Variants in RUNX1 observed in about 807,000 individuals in gnomAD.
The protein encoded by RUNX1 is runt-related transcription factor 1.
RUNX1 carries 19 observed loss-of-function variants against 42.8 expected under a neutral mutation model. The observed-to-expected ratio is 0.44, with a 90% CI of 0.31 to 0.65. The LOEUF (loss-of-function observed/expected upper bound fraction) is 0.65, where lower values mean the gene tolerates loss of function less well. Among genes scored for constraint, RUNX1 ranks in the 30% least tolerant of loss-of-function variants. The probability of loss-of-function intolerance (pLI) is 0.07; values close to 1 mark genes in which losing one functional copy is unlikely to be tolerated. For synonymous variants in RUNX1, 271 were observed against 289.4 expected, an observed-to-expected ratio of 0.94 and a Z score of 0.64; for missense variants, 528 against 672.0, an observed-to-expected ratio of 0.79 and a Z score of 2.37.
chr21:34,945,174 A>T (rs1389685924), intron 2 of RUNX1, among the ~76,000 whole-genome samples: 1 of 152,256 alleles, frequency 6.6e-6, no homozygotes, highest in African/African-American at 2.4e-5. Flanking sequence ...ACTTACAGAT[A>T]TGAACTATAG....
chr21:34,909,803 T>A (rs920998543), intron 2 of RUNX1, among the ~76,000 whole-genome samples: 5 of 152,116 alleles, frequency 3.3e-5, no homozygotes, highest in Non-Finnish European at 7.4e-5. Context: ...TCTTTAGGGT[T>A]CTGGGTCCTT....
chr21:34,998,343 C>T (rs1440623635), intron 2 of RUNX1, among the ~76,000 whole-genome samples: 2 of 152,008 alleles, frequency 1.3e-5, no homozygotes, highest in Non-Finnish European at 2.9e-5. Context: ...ACACAACGTC[C>T]AGAGACCACC....
intron 7 of RUNX1, among the ~76,000 whole-genome samples, chr21:34,809,766 T>C (rs1005732888): frequency 3.9e-5 from 6 of 152,154 alleles, no homozygotes; most frequent in African/African-American, 1.4e-4. Flanking sequence ...GGGCAGATCA[T>C]GTTAAGTAAC....
chr21:34,982,397 G>GGGGTGTGTGT (rs140568284), intron 2 of RUNX1, among the ~76,000 whole-genome samples: 7 of 148,218 alleles, frequency 4.7e-5, no homozygotes, highest in Non-Finnish European at 1.0e-4. Flanking sequence ...AGTCAAAAGG[G>GGGGTGTGTGT]GTGTGTGTGT....
intron 2 of RUNX1, among the ~76,000 whole-genome samples, chr21:35,044,103 C>A (rs1284626481): frequency 6.6e-6 from 1 of 152,210 alleles, no homozygotes; most frequent in East Asian, 1.9e-4. Flanking sequence ...GGCTCTCGTT[C>A]TTTTTCCACA....
At chr21:34,803,121 T>C (rs1280422342) in intron 7 of RUNX1, among the ~76,000 whole-genome samples, 1 of 152,160 alleles carries the variant, frequency 6.6e-6, no homozygotes, top group African/African-American at 2.4e-5. Flanking sequence ...AGACACACTC[T>C]TCAGGCTGGA....
intron 2 of RUNX1, among the ~76,000 whole-genome samples, chr21:35,022,895 G>GAAT (rs71196925): frequency 0.19 from 27,950 of 144,130 alleles, 2,954 homozygotes; most frequent in East Asian, 0.42. Flanking sequence ...TACTCTGTTT[G>GAAT]AATAATAATA....
intron 2 of RUNX1, among the ~76,000 whole-genome samples, chr21:34,977,513 A>G (rs2058811849): frequency 1.3e-5 from 2 of 152,222 alleles, no homozygotes; most frequent in South Asian, 4.1e-4. Flanking sequence ...CAAAACTATA[A>G]TTTGATGGTT....
chr21:35,038,446 C>A, intron 2 of RUNX1: 1 of 447,126 alleles, frequency 2.2e-6, no homozygotes, highest in Non-Finnish European at 4.5e-6. Context: ...AGAGAAGCTA[C>A]GTCCTGGTGA....
chr21:35,043,454 C>T (rs972880130), intron 2 of RUNX1, among the ~76,000 whole-genome samples: 1 of 152,068 alleles, frequency 6.6e-6, no homozygotes, highest in Non-Finnish European at 1.5e-5. Context: ...TTGGAGAAAG[C>T]AATTACGAAA....
At chr21:34,956,933 G>T (rs1037450827) in intron 2 of RUNX1, among the ~76,000 whole-genome samples, 5 of 152,204 alleles carry the variant, frequency 3.3e-5, no homozygotes, top group Non-Finnish European at 7.3e-5. Context: ...TTGCTGCAAA[G>T]AATGAGCTTA....
chr21:34,916,331 A>G (rs375983452), intron 2 of RUNX1, among the ~76,000 whole-genome samples: 1 of 152,216 alleles, frequency 6.6e-6, no homozygotes, highest in Non-Finnish European at 1.5e-5. Context: ...CATGAACCCC[A>G]TGTTCAACGA....
chr21:34,893,910 A>G (rs552049187), intron 2 of RUNX1, among the ~76,000 whole-genome samples: 1 of 152,292 alleles, frequency 6.6e-6, no homozygotes, highest in South Asian at 2.1e-4. Context: ...AGGAACAACT[A>G]AAATAAGAGG....
At chr21:34,902,414 G>T (rs2058184324) in intron 2 of RUNX1, among the ~76,000 whole-genome samples, 1 of 152,004 alleles carries the variant, frequency 6.6e-6, no homozygotes, top group African/African-American at 2.4e-5. Context: ...CCCCAAAGCT[G>T]GCTGAAACAG....
chr21:34,929,676 A>G (rs1454780103), intron 2 of RUNX1, among the ~76,000 whole-genome samples: 1 of 152,218 alleles, frequency 6.6e-6, no homozygotes, highest in Non-Finnish European at 1.5e-5. Context: ...TCTGAGAATA[A>G]CAAGTGACAT....
chr21:34,811,656 A>G (rs964368062), intron 7 of RUNX1, among the ~76,000 whole-genome samples: 6 of 152,122 alleles, frequency 3.9e-5, no homozygotes, highest in Non-Finnish European at 2.9e-5. Context: ...TTGCCACCCC[A>G]GTTGTTTTTA....
intron 2 of RUNX1, among the ~76,000 whole-genome samples, chr21:34,932,120 T>C (rs1330065189): frequency 6.6e-6 from 1 of 152,134 alleles, no homozygotes; most frequent in Non-Finnish European, 1.5e-5. Flanking sequence ...CCATTTTGGA[T>C]GATTGAGAGG....
intron 2 of RUNX1, among the ~76,000 whole-genome samples, chr21:34,953,947 A>G (rs988726601): frequency 1.2e-4 from 18 of 152,340 alleles, no homozygotes; most frequent in Non-Finnish European, 2.6e-4. Flanking sequence ...GGACTCCAAG[A>G]AGTTGAGCTT....
intron 2 of RUNX1, among the ~76,000 whole-genome samples, chr21:34,973,165 T>C (rs1475367389): frequency 2.6e-5 from 4 of 152,228 alleles, no homozygotes; most frequent in Non-Finnish European, 4.4e-5. Flanking sequence ...TGCATGCTTA[T>C]ATGGACAAAG....
Sources: allele counts gnomAD v4.1 joint callset (sites outside exome capture counted in the v4.1 genomes callset), GRCh38; gene constraint gnomAD v4.1.1; transcripts MANE v1.5; gene names NCBI Gene and HGNC (gene_info 2026-07-23, HGNC 2026-07-21).